Variants in STXBP5L observed in about 807,000 individuals in gnomAD.
The protein encoded by STXBP5L is syntaxin-binding protein 5-like.
A neutral mutation model predicts 144.5 loss-of-function variants in STXBP5L; 65 were observed. The ratio of observed to expected loss-of-function variants is 0.45; its 90% CI spans 0.37 to 0.55. The LOEUF is 0.55. Ranked by LOEUF, STXBP5L falls within the 20% of genes least tolerant of loss-of-function variation. The pLI, the probability that STXBP5L is intolerant of heterozygous loss-of-function variation, is 0.00. For missense variants in STXBP5L, 1,298 were observed against 1,405.5 expected (o/e 0.92, Z 1.22); for synonymous variants, 505 against 469.6 (o/e 1.08, Z -0.97).
In STXBP5L at chr3:121,340,367, C is replaced by T. The variant is rs549143096; in HGVS notation, c.2176+21827C>T. The stretch of plus-strand genomic sequence containing the variant: ...AAATTATACTTTAAGTTCTAGGGTA[C>T]ATGTGCACAACATGCAGGTTTGTTC... On this transcript the variant is annotated intron_variant, in intron 20 of 26. Coordinates refer to ENST00000471454, the MANE Select transcript of STXBP5L (RefSeq NM_001308330.2). Among the ~76,000 whole-genome samples, 119 of 151,974 alleles carry T rather than the reference C, an allele frequency of 7.8e-4. 1 individual carries two copies. The highest frequency in any genetic ancestry group is 2.7e-3 in the African/African-American group (113 of 41,456).
intron 3 of STXBP5L, among the ~76,000 whole-genome samples, chr3:120,959,007 C>G (rs1333555881): frequency 6.6e-6 from 1 of 152,144 alleles, no homozygotes; most frequent in Non-Finnish European, 1.5e-5. Flanking sequence ...TAGAAATCCC[C>G]ATCATCTCAG....
intron 5 of STXBP5L, among the ~76,000 whole-genome samples, chr3:121,049,868 C>G (rs1435227744): frequency 6.6e-6 from 1 of 152,104 alleles, no homozygotes; most frequent in Non-Finnish European, 1.5e-5. Context: ...ATGGCTCTGC[C>G]AAGACTCCAC....
intron 3 of STXBP5L, among the ~76,000 whole-genome samples, chr3:120,996,063 A>T (rs1943322789): frequency 6.6e-6 from 1 of 152,122 alleles, no homozygotes; most frequent in African/African-American, 2.4e-5. Flanking sequence ...TCAGAACCTG[A>T]AAAATGTAAC....
At chr3:121,197,174 T>A (rs1038606338) in intron 9 of STXBP5L, among the ~76,000 whole-genome samples, 1 of 152,218 alleles carries the variant, frequency 6.6e-6, no homozygotes, top group Non-Finnish European at 1.5e-5. Flanking sequence ...CCACTGAAGA[T>A]TCCTTACGGC....
chr3:121,119,502 G>A (rs1009518974), intron 6 of STXBP5L, among the ~76,000 whole-genome samples: 1 of 151,260 alleles, frequency 6.6e-6, no homozygotes, highest in African/African-American at 2.4e-5. Flanking sequence ...TTAGTGAATG[G>A]GAGAAAGAGA....
At chr3:121,080,142 T>C (rs536527777) in intron 5 of STXBP5L, among the ~76,000 whole-genome samples, 2 of 152,340 alleles carry the variant, frequency 1.3e-5, no homozygotes, top group South Asian at 2.1e-4. Flanking sequence ...TAAGAATAGC[T>C]AGTTCTGCTC....
chr3:121,262,006 G>A lies in STXBP5L; in HGVS notation c.1958+2838G>A, dbSNP rs189981849. On this transcript the variant is annotated intron_variant, in intron 18 of 26. Coordinates refer to ENST00000471454, the MANE Select transcript of STXBP5L (RefSeq NM_001308330.2). ...TGCTTTGCTCTCTGCTTCAAATATA[G>A]CACCTTCTAGCTTTGTTTGCGCTTG... is the stretch of plus-strand genomic sequence containing the variant. Among the ~76,000 whole-genome samples the A allele has an allele frequency of 2.7e-4, 41 of 152,252 alleles. No homozygotes were observed. The East Asian group carries it at 7.3e-3, about 27-fold the overall frequency.
chr3:121,208,502 C>T (rs111885138), intron 10 of STXBP5L, among the ~76,000 whole-genome samples: 3 of 151,052 alleles, frequency 2.0e-5, no homozygotes, highest in Non-Finnish European at 4.4e-5. Flanking sequence ...ATACTAATAA[C>T]AAAAAAACCC....
chr3:121,211,737 C>T (rs553059647), intron 10 of STXBP5L, among the ~76,000 whole-genome samples: 1 of 152,064 alleles, frequency 6.6e-6, no homozygotes, highest in East Asian at 1.9e-4. Context: ...TGCCACCATT[C>T]CCAGCTAATT....
chr3:121,045,161 A>G (rs567972279), intron 4 of STXBP5L, among the ~76,000 whole-genome samples: 7 of 152,152 alleles, frequency 4.6e-5, no homozygotes, highest in African/African-American at 7.2e-5. Flanking sequence ...AATGGCCATA[A>G]CAGTGCTATA....
At chr3:121,178,160 A>G (rs886870783) in intron 9 of STXBP5L, among the ~76,000 whole-genome samples, 1 of 152,196 alleles carries the variant, frequency 6.6e-6, no homozygotes, top group Non-Finnish European at 1.5e-5. Context: ...ATGGGTTCAG[A>G]GTTTCAGTTA....
intron 14 of STXBP5L, among the ~76,000 whole-genome samples, chr3:121,247,560 G>T (rs1244083258): frequency 3.3e-5 from 5 of 152,158 alleles, no homozygotes; most frequent in African/African-American, 1.2e-4. Flanking sequence ...TTATATGTGA[G>T]AACATGTGGT....
At chr3:120,917,031 A>G (rs1280409376) in intron 2 of STXBP5L, among the ~76,000 whole-genome samples, 1 of 152,232 alleles carries the variant, frequency 6.6e-6, no homozygotes, top group Non-Finnish European at 1.5e-5. Context: ...ATGTGAAACT[A>G]GAAAAGGAGA....
At chr3:120,964,381 G>A (rs191299055) in intron 3 of STXBP5L, among the ~76,000 whole-genome samples, 1 of 152,254 alleles carries the variant, frequency 6.6e-6, no homozygotes, top group East Asian at 1.9e-4. Context: ...GTCGATTTTA[G>A]ATCTTTCCTT....
chr3:121,419,028 T>C (rs1018807435), intron 26 of STXBP5L, 28 bp from the exon 27 acceptor site: 1 of 1,609,128 alleles, frequency 6.2e-7, no homozygotes. Context: ...TATTTTAGCG[T>C]CTTATGGTGG....
intron 6 of STXBP5L, among the ~76,000 whole-genome samples, chr3:121,117,822 G>T (rs572687204): frequency 1.3e-5 from 2 of 151,640 alleles, no homozygotes; most frequent in East Asian, 3.9e-4. Flanking sequence ...GTATATATTG[G>T]TTATTTGGAA....
chr3:121,172,096 T>A (rs1328974185), intron 9 of STXBP5L, among the ~76,000 whole-genome samples: 4 of 152,006 alleles, frequency 2.6e-5, no homozygotes, highest in Non-Finnish European at 5.9e-5. Flanking sequence ...AAACAAGCAA[T>A]GGGGAAAAAA....
chr3:121,291,848 C>A (rs761913147), intron 19 of STXBP5L, among the ~76,000 whole-genome samples: 7 of 152,096 alleles, frequency 4.6e-5, no homozygotes, highest in Admixed American at 2.6e-4. Context: ...AATTGGCAAG[C>A]CACATGTAGA....
chr3:120,979,797 C>G (rs1022621899), intron 3 of STXBP5L, among the ~76,000 whole-genome samples: 1 of 152,184 alleles, frequency 6.6e-6, no homozygotes, highest in South Asian at 2.1e-4. Flanking sequence ...TGTTCTTGTT[C>G]TTGAGGTGTG....
Sources: allele counts gnomAD v4.1 joint callset (sites outside exome capture counted in the v4.1 genomes callset), GRCh38; gene constraint gnomAD v4.1.1; transcripts MANE v1.5; gene names NCBI Gene and HGNC (gene_info 2026-07-23, HGNC 2026-07-21).